SPATA18: variants seen among roughly 807,000 people sequenced by gnomAD.
SPATA18 encodes mitochondria-eating protein.
Under a neutral mutation model 68.1 loss-of-function variants are expected in SPATA18, and 54 were observed. The ratio of observed to expected loss-of-function variants is 0.79; its 90% CI spans 0.64 to 0.99. SPATA18 has a LOEUF of 0.99. Among genes scored for constraint, SPATA18 ranks in the 50% least tolerant of loss-of-function variants. The pLI, the probability that SPATA18 is intolerant of heterozygous loss-of-function variation, is 0.00. For missense variants in SPATA18, 724 were observed against 681.1 expected (o/e 1.06, Z -0.70); for synonymous variants, 242 against 244.8 (o/e 0.99, Z 0.11).
intron 4 of SPATA18, 37 bp from the exon 5 acceptor site, chr4:52,069,784 T>C (rs1739636513): frequency 6.8e-7 from 1 of 1,479,902 alleles, no homozygotes; most frequent in Non-Finnish European, 9.1e-7. Flanking sequence ...CTGCCAATTT[T>C]GAAAAATCTA....
At chr4:52,052,617 C>CG (rs1481539985) in intron 1 of SPATA18, among the ~76,000 whole-genome samples, 1 of 152,212 alleles carries the variant, frequency 6.6e-6, no homozygotes, top group African/African-American at 2.4e-5. Flanking sequence ...ATTAGCCCCC[C>CG]CTTGTTTCTA....
At chr4:52,083,732 A>G (rs1000032921) in intron 10 of SPATA18, among the ~76,000 whole-genome samples, 5 of 147,596 alleles carry the variant, frequency 3.4e-5, no homozygotes, top group African/African-American at 1.2e-4. Context: ...TGACAGAGTA[A>G]GATCCTGTCT....
At position 52,094,534 on chromosome 4, in the gene SPATA18, G is replaced by C; in HGVS notation, c.1571G>C (p.Arg524Pro). Residue 524 changes from arginine (R) to proline (P), a missense_variant, in exon 12 of 13, where the codon CGA becomes CCA. Transcript: ENST00000295213. Reference protein sequence around the residue: ...RSQIGLNTMSRSRSPSPIRCG... With the variant: ...RSQIGLNTMSPSRSPSPIRCG... ...TTCTTTTATATTTTCCAGATGTCTCGAAGTCGGAGTCCTTCTCCAATAAGA... is the reference window on the plus strand; with the variant it reads ...TTCTTTTATATTTTCCAGATGTCTCCAAGTCGGAGTCCTTCTCCAATAAGA... 2.5e-6 allele frequency: 4 copies of C among 1,613,208 alleles called. No homozygotes were observed. The highest frequency in any genetic ancestry group is 1.7e-4 in the Middle Eastern group (1 of 6,056).
intron 7 of SPATA18, 80 bp from the exon 8 acceptor site, chr4:52,078,655 G>T (rs370721776): frequency 7.6e-7 from 1 of 1,314,644 alleles, no homozygotes; most frequent in East Asian, 2.4e-5. Flanking sequence ...GTTGAAGCTC[G>T]GATTCTTTCT....
At position 52,077,001 on chromosome 4, in the gene SPATA18, G is replaced by A. The variant is rs772489820; in HGVS notation, c.981G>A (p.Lys327=). The change falls in exon 7 of 13, where the codon AAG becomes AAA. Residue 327 remains lysine (K), a synonymous_variant. Transcript: ENST00000295213. The part of the protein sequence containing the change: ...AQCLLRRCID[K]AETVQRIIYI... ...GCCTGCTGCGGCGCTGCATCGACAA[G>A]GCTGAGACCGTTCAGCGGATCATCT... 3.1e-6 allele frequency: 5 copies of A among 1,611,696 alleles called. No individual in the cohort carries two copies. Among genetic ancestry groups the A allele is most frequent in the Non-Finnish European group, 4.2e-6 (5 of 1,178,876 alleles).
At chr4:52,086,019 C>A (rs949516789) in intron 11 of SPATA18, among the ~76,000 whole-genome samples, 6 of 152,172 alleles carry the variant, frequency 3.9e-5, no homozygotes, top group Non-Finnish European at 7.3e-5. Context: ...AGGGCTAGAC[C>A]AAGACATGTG....
In SPATA18 at chr4:52,071,970, G is replaced by A. The variant is rs1474064022; in HGVS notation, c.572G>A (p.Arg191Lys). ...GCCCGCCACAGAAACACAGATCAGA[G>A]GAGCTCAGAGAATAGGCGGTCAGAG... Reference protein sequence around the residue: ...EDARHRNTDQRSSENRRSEPW... With the variant: ...EDARHRNTDQKSSENRRSEPW... The change falls in exon 6 of 13, where the codon AGG (arginine) becomes AAG (lysine). Residue 191 changes from arginine (R) to lysine (K), a missense_variant. Transcript: ENST00000295213. 1.9e-6 allele frequency: 3 copies of A among 1,613,926 alleles called. No homozygotes were observed. The highest frequency in any genetic ancestry group is 1.7e-6 in the Non-Finnish European group (2 of 1,179,966).
intron 4 of SPATA18, among the ~76,000 whole-genome samples, chr4:52,064,427 C>T (rs988136372): frequency 6.6e-6 from 1 of 152,052 alleles, no homozygotes; most frequent in East Asian, 1.9e-4. Context: ...CCTCACCCTC[C>T]TCCTTCCTTT....
At chr4:52,093,172 A>G (rs1742135161) in intron 11 of SPATA18, among the ~76,000 whole-genome samples, 1 of 152,204 alleles carries the variant, frequency 6.6e-6, no homozygotes, top group Non-Finnish European at 1.5e-5. Flanking sequence ...GAGAAAGATT[A>G]TTATGATTTA....
In SPATA18 at chr4:52,051,397, T is replaced by G; in HGVS notation, c.-308T>G. 1 of 289,194 alleles carries G rather than the reference T, an allele frequency of 3.5e-6. No individual in the cohort carries two copies. The highest frequency in any genetic ancestry group is 6.4e-6 in the Non-Finnish European group (1 of 157,156). The allele number at this position is 289,194 out of a possible 1,614,324, so 17.9% of individuals were successfully genotyped here. A position where few individuals can be genotyped will look rare whatever the true frequency, so the allele number is the denominator to read the frequency against. On this transcript the variant is annotated 5_prime_UTR_variant, in exon 1 of 13. Coordinates refer to ENST00000295213, the MANE Select transcript of SPATA18 (RefSeq NM_145263.4). ...GCGCGCGTCCCTGGCAGCCAACCCGTCCACGTCAAGGTTTGTTTAATAATC... is the reference window on the plus strand; with the variant it reads ...GCGCGCGTCCCTGGCAGCCAACCCGGCCACGTCAAGGTTTGTTTAATAATC...
intron 12 of SPATA18, 34 bp downstream of exon 12, chr4:52,094,606 C>A: frequency 6.2e-7 from 1 of 1,608,004 alleles, no homozygotes; most frequent in Non-Finnish European, 8.5e-7. Flanking sequence ...ATCAAATTTT[C>A]TGCTTTTTAA....
intron 10 of SPATA18, 124 bp downstream of exon 10, chr4:52,082,634 G>A (rs1461028644): frequency 6.3e-7 from 1 of 1,575,210 alleles, no homozygotes; most frequent in African/African-American, 1.4e-5. Flanking sequence ...TCATACAAAG[G>A]AGAGGTCGGA....
At chr4:52,085,680 T>G (rs1427788518) in intron 11 of SPATA18, among the ~76,000 whole-genome samples, 1 of 151,912 alleles carries the variant, frequency 6.6e-6, no homozygotes, top group Non-Finnish European at 1.5e-5. Context: ...TATGGCAACA[T>G]GGGGAAACAT....
At chr4:52,086,489 C>T (rs539568509) in intron 11 of SPATA18, among the ~76,000 whole-genome samples, 3 of 152,256 alleles carry the variant, frequency 2.0e-5, no homozygotes, top group Admixed American at 2.0e-4. Flanking sequence ...CTGTTCAACT[C>T]CCACTTATGA....
chr4:52,084,189 C>T (rs552534384), intron 10 of SPATA18, among the ~76,000 whole-genome samples: 24 of 152,230 alleles, frequency 1.6e-4, no homozygotes, highest in African/African-American at 5.3e-4. Flanking sequence ...TTATCTGTTG[C>T]GCAGTTTGGA....
intron 9 of SPATA18, among the ~76,000 whole-genome samples, chr4:52,081,367 A>T (rs1740903119): frequency 6.6e-6 from 1 of 152,162 alleles, no homozygotes; most frequent in African/African-American, 2.4e-5. Flanking sequence ...AACAAGGCTA[A>T]CCCTTTTTCA....
At chr4:52,065,117 G>T (rs903853149) in intron 4 of SPATA18, among the ~76,000 whole-genome samples, 2 of 151,014 alleles carry the variant, frequency 1.3e-5, no homozygotes, top group Non-Finnish European at 3.0e-5. Context: ...CTTTTTAATG[G>T]TTTTTTTTCT....
At chr4:52,078,955 C>G (rs1740662559) in intron 8 of SPATA18, 62 bp downstream of exon 8, 1 of 1,417,624 alleles carries the variant, frequency 7.1e-7, no homozygotes, top group Non-Finnish European at 9.4e-7. Flanking sequence ...ATATTGAGTA[C>G]TAATAACTCA....
At chr4:52,053,943 T>G (rs1329049946) in intron 1 of SPATA18, among the ~76,000 whole-genome samples, 1 of 152,212 alleles carries the variant, frequency 6.6e-6, no homozygotes, top group Non-Finnish European at 1.5e-5. Flanking sequence ...TACAGTGACC[T>G]TCAAAGTCCT....
Sources: allele counts gnomAD v4.1 joint callset (sites outside exome capture counted in the v4.1 genomes callset), GRCh38; gene constraint gnomAD v4.1.1; transcripts MANE v1.5; gene names NCBI Gene and HGNC (gene_info 2026-07-23, HGNC 2026-07-21).